Variants in MTFR2 observed in about 807,000 individuals in gnomAD.
The protein encoded by MTFR2 is DUF729 domain-containing protein 1.
MTFR2 carries 44 observed loss-of-function variants against 41.2 expected under a neutral mutation model. The ratio of observed to expected loss-of-function variants is 1.07; its 90% CI spans 0.84 to 1.37. The LOEUF (loss-of-function observed/expected upper bound fraction) is 1.37. Ranked by LOEUF, MTFR2 falls within the 40% of genes most tolerant of loss-of-function variation. The pLI, the probability that MTFR2 is intolerant of heterozygous loss-of-function variation, is 0.00. For synonymous variants in MTFR2, 141 were observed against 154.6 expected (o/e 0.91, Z 0.65); for missense variants, 452 against 459.5 (o/e 0.98, Z 0.15).
rs369944902 is a variant in MTFR2 at position 136,241,024 on chromosome 6, G to A, written c.514+420C>T. On this transcript the variant is annotated intron_variant, in intron 5 of 7. Transcript: ENST00000420702. ...GAGAATGGCGTGAACCCGGGAGGTG[G>A]AGCTTGCAGTGAGCCAAGATCGTGC... Among the ~76,000 whole-genome samples, 126 of 151,486 alleles carry A rather than the reference G, an allele frequency of 8.3e-4. 1 individual carries two copies. In the East Asian group the frequency reaches 9.0e-3, roughly 11 times the overall value.
Position 136,233,020 on chromosome 6 carries a change from C to T in MTFR2, c.1044+305G>A, listed in dbSNP as rs150422271. ...TTCTTCCCTGGCCCTCTCAAACTGT[C>T]AGACACCCAGTTCATACTGCAGATG... On this transcript the variant is annotated intron_variant, in intron 7 of 7. Transcript: ENST00000420702. 2.6e-4 allele frequency: 57 copies of T among 217,622 alleles called. No homozygotes were observed. The East Asian group carries it at 5.5e-3, about 21-fold the overall frequency. 13.5% of individuals were successfully genotyped at this position (217,622 alleles called of 1,614,324 possible).
At chr6:136,233,137 T>C (rs1779809608) in intron 7 of MTFR2, 188 bp downstream of exon 7, 1 of 458,448 alleles carries the variant, frequency 2.2e-6, no homozygotes, top group African/African-American at 2.0e-5. Context: ...GAGCTCATGA[T>C]AGGCTAAAAG....
At chr6:136,249,689 G>C (rs769688852) in intron 1 of MTFR2, among the ~76,000 whole-genome samples, 1 of 152,206 alleles carries the variant, frequency 6.6e-6, no homozygotes, top group East Asian at 1.9e-4. Context: ...CATGAGATGT[G>C]ATGGTTTTAT....
At chr6:136,238,668 T>C (rs1779968096) in intron 6 of MTFR2, among the ~76,000 whole-genome samples, 1 of 146,648 alleles carries the variant, frequency 6.8e-6, no homozygotes, top group Non-Finnish European at 1.5e-5. Context: ...GAGCTCATTA[T>C]GTTTTTTCAC....
chr6:136,233,349 TG>T lies in MTFR2; in HGVS notation c.1019del (p.Pro340HisfsTer42). On this transcript the variant is annotated frameshift_variant, in exon 7 of 8. Transcript: ENST00000420702. LOFTEE classifies it high-confidence loss of function. The stretch of plus-strand genomic sequence containing the variant: ...CCCTTGAAGTTTCTGGACTAGAAAA[TG>T]GGGAAGATTCCCAAGATCTATTCTC... ...EKENRSWESSPFSSPETSRFG... is the reference protein window; with the variant it reads ...EKENRSWESSXFSSPETSRFG... 1 of 1,612,970 alleles carries T rather than the reference TG, an allele frequency of 6.2e-7. No homozygotes were observed. Among genetic ancestry groups the T allele is most frequent in the Non-Finnish European group, 8.5e-7 (1 of 1,179,408 alleles).
chr6:136,247,686 CA>C (rs1384061117), intron 2 of MTFR2: 1 of 392,488 alleles, frequency 2.5e-6, no homozygotes, highest in Non-Finnish European at 5.0e-6. Flanking sequence ...TGATATTCTT[CA>C]AACTACTCCA....
At chr6:136,237,077 C>G (rs1239422208) in intron 6 of MTFR2, among the ~76,000 whole-genome samples, 1 of 152,194 alleles carries the variant, frequency 6.6e-6, no homozygotes, top group Non-Finnish European at 1.5e-5. Context: ...ACTCAGCTCT[C>G]CAATGACCTG....
chr6:136,241,070 G>C (rs188523332), intron 5 of MTFR2, among the ~76,000 whole-genome samples: 1 of 144,304 alleles, frequency 6.9e-6, no homozygotes, highest in Non-Finnish European at 1.5e-5. Context: ...CAGCCTGGGC[G>C]ACAGAGCAAG....
Position 136,244,745 on chromosome 6 carries a change from A to G in MTFR2, c.168+20T>C. 6.5e-7 allele frequency: 1 copy of G among 1,541,958 alleles called. No individual in the cohort carries two copies. Among genetic ancestry groups the G allele is most frequent in the Non-Finnish European group, 9.0e-7 (1 of 1,115,600 alleles). ...TTATTTTGTACTTGGTACTTAAACA[A>G]TTTATGTTGACTGACTTACCTCAAA... On this transcript the variant is annotated intron_variant, in intron 3 of 7. Transcript: ENST00000420702.
chr6:136,241,659 T>C lies in MTFR2; in HGVS notation c.299A>G (p.Asn100Ser). The change falls in exon 5 of 8, where the codon AAT becomes AGT. Residue 100 changes from asparagine (N) to serine (S), a missense_variant. By Grantham distance (46) the Asn-to-Ser change is conservative (BLOSUM62 1). Coordinates refer to ENST00000420702, the MANE Select transcript of MTFR2 (RefSeq NM_001099286.3). ...AAAAATTTCCACTTTCTCTTCTTCA[T>C]TTTTCCATATACTATTTCTGTGGGT... is the stretch of plus-strand genomic sequence containing the variant. ...YLRFRNSIWKNEEEKVEIFHP... is the reference protein window; with the variant it reads ...YLRFRNSIWKSEEEKVEIFHP... The C allele has an allele frequency of 6.2e-7, 1 of 1,610,994 alleles. No individual in the cohort carries two copies. The highest frequency in any genetic ancestry group is 1.1e-5 in the South Asian group (1 of 90,240).
At position 136,241,552 on chromosome 6, in the gene MTFR2, C is replaced by T; in HGVS notation, c.406G>A (p.Glu136Lys). Residue 136 changes from glutamate (E) to lysine (K), a missense_variant, in exon 5 of 8, where the codon GAA becomes AAA. Physicochemically the swap from Glu to Lys is moderately conservative, Grantham distance 56 (BLOSUM62 1). Coordinates refer to ENST00000420702, the MANE Select transcript of MTFR2 (RefSeq NM_001099286.3). ...GCAGCTATTTTTCTAATTGCAGCTT[C>T]ATTTACAGGCAGGTCATTTTTCACA... The part of the protein sequence containing the change: ...ETVKNDLPVN[E>K]AAIRKIAALE... 2 of 1,614,128 alleles carry T rather than the reference C, an allele frequency of 1.2e-6. No individual in the cohort carries two copies. The highest frequency in any genetic ancestry group is 1.7e-6 in the Non-Finnish European group (2 of 1,180,004).
intron 2 of MTFR2, chr6:136,247,537 C>A (rs144071575): frequency 2.2e-6 from 1 of 456,016 alleles, no homozygotes; most frequent in Non-Finnish European, 4.4e-6. Flanking sequence ...AGAGTGATGA[C>A]AAATATGCTG....
chr6:136,231,669 TAAA>T (rs71006791), intron 7 of MTFR2, among the ~76,000 whole-genome samples: 4,017 of 82,944 alleles, frequency 0.048, 249 homozygotes, highest in African/African-American at 0.17. Flanking sequence ...AAAAACTATG[TAAA>T]AAAAAAAAAA....
chr6:136,244,728 T>C, intron 3 of MTFR2, 37 bp downstream of exon 3: 3 of 1,386,036 alleles, frequency 2.2e-6, no homozygotes, highest in Non-Finnish European at 3.1e-6. Context: ...GATTATTTTG[T>C]ACTTGGTACT....
chr6:136,235,774 A>T (rs147647751), intron 6 of MTFR2, among the ~76,000 whole-genome samples: 1,964 of 152,306 alleles, frequency 0.013, 33 homozygotes, highest in African/African-American at 0.044. Context: ...TCTACTAAAA[A>T]TACAAAAATT....
At chr6:136,246,371 C>T (rs1780213728) in intron 2 of MTFR2, among the ~76,000 whole-genome samples, 3 of 152,072 alleles carry the variant, frequency 2.0e-5, no homozygotes, top group African/African-American at 7.2e-5. Context: ...CAACCTCCAC[C>T]TCCCAGGCTC....
intron 3 of MTFR2, 69 bp from the exon 4 acceptor site, chr6:136,243,042 TATTAA>T (rs1028500054): frequency 4.2e-6 from 4 of 944,708 alleles, no homozygotes; most frequent in Non-Finnish European, 6.2e-6. Flanking sequence ...TGCCCCATGG[TATTAA>T]ATTAGTTAAC....
rs1453000348 is a variant in MTFR2 at position 136,241,672 on chromosome 6, T to C, written c.286A>G (p.Ser96Gly). 1 of 1,604,284 alleles carries C rather than the reference T, an allele frequency of 6.2e-7. No individual in the cohort carries two copies. Among genetic ancestry groups the C allele is most frequent in the Non-Finnish European group, 8.5e-7 (1 of 1,176,776 alleles). The stretch of plus-strand genomic sequence containing the variant: ...TTCTCTTCTTCATTTTTCCATATAC[T>C]ATTTCTGTGGGTGAAAAAAAATAGG... ...EEASYLRFRN[S>G]IWKNEEEKVE... Residue 96 changes from serine to glycine, a missense_variant, in exon 5 of 8, where the codon AGT becomes GGT. By Grantham distance (56) the Ser-to-Gly change is moderately conservative (BLOSUM62 0). Transcript: ENST00000420702.
chr6:136,246,789 G>GAA (rs201879955), intron 2 of MTFR2, among the ~76,000 whole-genome samples: 69 of 151,072 alleles, frequency 4.6e-4, no homozygotes, highest in African/African-American at 1.5e-3. Context: ...TCTTAGCTAG[G>GAA]AAAAAAAAAT....
Sources: allele counts gnomAD v4.1 joint callset (sites outside exome capture counted in the v4.1 genomes callset), GRCh38; gene constraint gnomAD v4.1.1; transcripts MANE v1.5; gene names NCBI Gene and HGNC (gene_info 2026-07-23, HGNC 2026-07-21).